The following ANKRD17 variants were observed in gnomAD, a reference collection of about 807,000 sequenced individuals.
ANKRD17 encodes ankyrin repeat domain 17, also known as ankyrin repeat domain-containing protein 17.
ANKRD17 carries 19 observed loss-of-function variants against 229.7 expected under a neutral mutation model. The observed-to-expected ratio is 0.08, with a 90% confidence interval of 0.06 to 0.12. The LOEUF is 0.12. ANKRD17 is among the 10% of genes least tolerant of loss of function. The pLI, the probability that ANKRD17 is intolerant of heterozygous loss-of-function variation, is 1.00. For missense variants in ANKRD17, 2,176 were observed against 3,176.8 expected (o/e 0.68, Z 7.57); for synonymous variants, 1,112 against 1,146.1 (o/e 0.97, Z 0.60).
At chr4:73,228,318 C>T (rs1054618172) in intron 1 of ANKRD17, among the ~76,000 whole-genome samples, 3 of 152,134 alleles carry the variant, frequency 2.0e-5, no homozygotes, top group African/African-American at 7.2e-5. Context: ...TTCTCCTAAA[C>T]TACTCATGCT....
At chr4:73,143,216 T>C (rs968292517) in intron 11 of ANKRD17, among the ~76,000 whole-genome samples, 1 of 152,250 alleles carries the variant, frequency 6.6e-6, no homozygotes, top group Non-Finnish European at 1.5e-5. Flanking sequence ...CCATTTTTTT[T>C]CCCATTAGTA....
chr4:73,154,877 T>C (rs1003192809), intron 5 of ANKRD17, among the ~76,000 whole-genome samples: 1 of 146,758 alleles, frequency 6.8e-6, no homozygotes, highest in South Asian at 2.2e-4. Flanking sequence ...CCGTCTCTAC[T>C]AAAAATACAA....
Position 73,126,847 on chromosome 4 carries a change from C to T in ANKRD17, c.3235-1535G>A, listed in dbSNP as rs1285072344. ...CCTGGGTTCACGCAACGCTCCCTGCCTCAGCTTCCTGAGTAGCTGGGTTTA... is the reference window on the plus strand; with the variant it reads ...CCTGGGTTCACGCAACGCTCCCTGCTTCAGCTTCCTGAGTAGCTGGGTTTA... On this transcript the variant is annotated intron_variant, in intron 16 of 33. Coordinates refer to ENST00000358602, the MANE Select transcript of ANKRD17 (RefSeq NM_032217.5). Among the ~76,000 whole-genome samples, 3 of 152,310 alleles carry T rather than the reference C, an allele frequency of 2.0e-5. No individual in the cohort carries two copies. In the East Asian group the frequency reaches 5.8e-4, roughly 29 times the overall value.
chr4:73,076,653 T>C (rs1236657317), intron 33 of ANKRD17, among the ~76,000 whole-genome samples: 4 of 152,218 alleles, frequency 2.6e-5, no homozygotes, highest in African/African-American at 4.8e-5. Context: ...TTCACACCAC[T>C]AGTAAACTTT....
intron 24 of ANKRD17, among the ~76,000 whole-genome samples, chr4:73,112,212 C>T (rs962269215): frequency 1.3e-5 from 2 of 152,128 alleles, no homozygotes; most frequent in African/African-American, 2.4e-5. Flanking sequence ...TTAAAACAAC[C>T]ATTATCACAT....
intron 16 of ANKRD17, among the ~76,000 whole-genome samples, chr4:73,133,476 C>T (rs1728502320): frequency 6.7e-6 from 1 of 150,284 alleles, no homozygotes; most frequent in African/African-American, 2.4e-5. Context: ...CTGCAACCTC[C>T]ATCTCCCGGA....
rs774902319 is a variant in ANKRD17 at position 73,147,358 on chromosome 4, C to T, written c.1642G>A (p.Glu548Lys). 2 of 1,610,188 alleles carry T rather than the reference C, an allele frequency of 1.2e-6. No homozygotes were observed. Among genetic ancestry groups the T allele is most frequent in the East Asian group, 2.2e-5 (1 of 44,732 alleles). The part of the protein sequence containing the change: ...LTLACCGGFL[E>K]VADFLIKAGA... ...GCCTTAATTAGAAAGTCTGCCACTT[C>T]CAGAAAGCCTCCACAGCAAGCCAGA... is the stretch of plus-strand genomic sequence containing the variant. Residue 548 changes from glutamate (E) to lysine (K), a missense_variant, in exon 9 of 34, where the codon GAA becomes AAA. By Grantham distance (56) the Glu-to-Lys change is moderately conservative. Coordinates refer to ENST00000358602, the MANE Select transcript of ANKRD17 (RefSeq NM_032217.5).
chr4:73,217,516 C>T (rs1192911777), intron 1 of ANKRD17, among the ~76,000 whole-genome samples: 3 of 148,104 alleles, frequency 2.0e-5, no homozygotes, highest in East Asian at 3.9e-4. Context: ...AAATCCAAAA[C>T]TTTTTTTTTT....
chr4:73,175,746 T>C (rs928044780), intron 2 of ANKRD17, among the ~76,000 whole-genome samples: 2 of 152,130 alleles, frequency 1.3e-5, no homozygotes, highest in Non-Finnish European at 2.9e-5. Context: ...GAAAGCTGGA[T>C]ATCCATATGC....
At chr4:73,124,747 C>G (rs901205072) in intron 18 of ANKRD17, among the ~76,000 whole-genome samples, 166 bp downstream of exon 18, 3 of 152,282 alleles carry the variant, frequency 2.0e-5, no homozygotes, top group Non-Finnish European at 4.4e-5. Context: ...GGCAAGATAG[C>G]TTATGCTAAC....
chr4:73,077,810 A>C (rs537697531), intron 31 of ANKRD17, among the ~76,000 whole-genome samples: 2 of 152,236 alleles, frequency 1.3e-5, no homozygotes, highest in East Asian at 3.8e-4. Flanking sequence ...AATATGATGA[A>C]AGGAAGAAAA....
intron 1 of ANKRD17, among the ~76,000 whole-genome samples, chr4:73,239,629 C>T (rs575352403): frequency 1.3e-5 from 2 of 152,134 alleles, no homozygotes; most frequent in Non-Finnish European, 2.9e-5. Flanking sequence ...GGATTACATA[C>T]ACTTACAATT....
intron 16 of ANKRD17, among the ~76,000 whole-genome samples, chr4:73,128,945 C>T (rs998011828): frequency 6.6e-6 from 1 of 152,096 alleles, no homozygotes; most frequent in Non-Finnish European, 1.5e-5. Flanking sequence ...TCAAATACTG[C>T]TAATCATGGA....
intron 1 of ANKRD17, among the ~76,000 whole-genome samples, chr4:73,222,356 T>A (rs1741968667): frequency 6.6e-6 from 1 of 152,186 alleles, no homozygotes; most frequent in Admixed American, 6.5e-5. Context: ...TTTAAAATGT[T>A]CATGATTCAA....
At chr4:73,162,850 GTTTTGTTTTTGT>G (rs780932728) in intron 2 of ANKRD17, among the ~76,000 whole-genome samples, 6 of 151,752 alleles carry the variant, frequency 4.0e-5, no homozygotes, top group East Asian at 3.9e-4. Flanking sequence ...GTGCTTTTTT[GTTTTGTTTTTGT>G]TTTTGTTTTT....
chr4:73,197,440 T>C (rs753511593), intron 1 of ANKRD17, among the ~76,000 whole-genome samples: 1 of 152,186 alleles, frequency 6.6e-6, no homozygotes, highest in Non-Finnish European at 1.5e-5. Context: ...GTCAGAACTC[T>C]GAGAGAAAGA....
chr4:73,176,231 G>A (rs898297293), intron 2 of ANKRD17, among the ~76,000 whole-genome samples: 3 of 152,028 alleles, frequency 2.0e-5, no homozygotes, highest in African/African-American at 7.2e-5. Flanking sequence ...TCAGAAAAAC[G>A]CAAATCAAAA....
chr4:73,161,092 G>A, intron 3 of ANKRD17, 100 bp downstream of exon 3: 1 of 1,432,442 alleles, frequency 7.0e-7, no homozygotes, highest in South Asian at 1.4e-5. Flanking sequence ...GGTTAGCACA[G>A]TGCCAGCCAG....
At position 73,229,639 on chromosome 4, in the gene ANKRD17, C is replaced by CTATA. The variant is rs571222882; in HGVS notation, c.393+28633_393+28636dup. Among the ~76,000 whole-genome samples, 59 of 148,434 alleles carry CTATA rather than the reference C, an allele frequency of 4.0e-4. No homozygotes were observed. In the South Asian group the frequency reaches 0.011, roughly 29 times the overall value. Reference sequence around the variant, plus strand: ...AAAAAACCCAACCACAATGCAGAGTCTATATATATATATACAGCTGATATA... The same window carrying CTATA: ...AAAAAACCCAACCACAATGCAGAGTCTATATATATATATATATACAGCTGATATA... On this transcript the variant is annotated intron_variant, in intron 1 of 33. Transcript: ENST00000358602.
Sources: gnomAD v4.1 joint callset for allele counts (sites outside exome capture counted in the v4.1 genomes callset) on GRCh38, gnomAD v4.1.1 for gene constraint, MANE v1.5 for transcripts, NCBI Gene and HGNC (gene_info 2026-07-23, HGNC 2026-07-21) for gene names.